Variants in MACF1 observed in about 807,000 individuals in gnomAD.
MACF1 encodes the protein microtubule-actin cross-linking factor 1.
In MACF1, 193 loss-of-function variants were observed where a neutral mutation model predicts 854.8. The ratio of observed to expected loss-of-function variants is 0.23; its 90% CI spans 0.20 to 0.25. MACF1 has a LOEUF of 0.25. MACF1 is among the 10% of genes least tolerant of loss of function. MACF1 has a pLI of 1.00. For missense variants in MACF1, 7,722 were observed against 8,929.1 expected, an observed-to-expected ratio of 0.86 and a Z score of 5.45; for synonymous variants, 3,185 against 3,226.7, an observed-to-expected ratio of 0.99 and a Z score of 0.44.
chr1:39,187,307 C>CT (rs1193958294), intron 2 of MACF1, among the ~76,000 whole-genome samples: 3 of 152,162 alleles, frequency 2.0e-5, no homozygotes, highest in Non-Finnish European at 4.4e-5. Context: ...TCATGGGACT[C>CT]TAAGACTTCT....
intron 2 of MACF1, among the ~76,000 whole-genome samples, chr1:39,160,729 A>G (rs1247904324): frequency 1.3e-5 from 2 of 152,200 alleles, no homozygotes; most frequent in Non-Finnish European, 2.9e-5. Context: ...GTCTTAGACA[A>G]CTATTCCCCC....
intron 43 of MACF1, 126 bp from the exon 44 acceptor site, chr1:39,352,881 G>A: frequency 1.8e-6 from 1 of 558,490 alleles, no homozygotes; most frequent in Admixed American, 3.0e-5. Context: ...TATGTGCAAA[G>A]ACTGTTTATA....
At chr1:39,239,235 C>A (rs930096141) in intron 2 of MACF1, among the ~76,000 whole-genome samples, 1 of 152,112 alleles carries the variant, frequency 6.6e-6, no homozygotes, top group Non-Finnish European at 1.5e-5. Flanking sequence ...GAGCTGAGAT[C>A]GTGCCACCGC....
rs144130485 is a variant in MACF1, at chr1:39,366,418, C to T, written c.12772-1730C>T. Among the ~76,000 whole-genome samples, 631 of 152,120 alleles carry T rather than the reference C, an allele frequency of 4.1e-3. 2 individuals are homozygous for T. The highest frequency in any genetic ancestry group is 0.015 in the African/African-American group (603 of 41,486). ...GCATGATCATAGCTCACTGCATCCTCAAACTCCTGGGCTCAAGTGATTCCC... is the reference window on the plus strand; with the variant it reads ...GCATGATCATAGCTCACTGCATCCTTAAACTCCTGGGCTCAAGTGATTCCC... On this transcript the variant is annotated intron_variant, in intron 49 of 100. Coordinates refer to ENST00000564288, the MANE Select transcript of MACF1 (RefSeq NM_001394062.1).
intron 26 of MACF1, among the ~76,000 whole-genome samples, chr1:39,311,444 C>T (rs995952433): frequency 6.6e-5 from 10 of 152,140 alleles, no homozygotes; most frequent in African/African-American, 2.4e-4. Context: ...AGTGAGCTCT[C>T]ATCCCTAGTT....
chr1:39,469,395 T>C (rs1490049464), intron 96 of MACF1, among the ~76,000 whole-genome samples, 152 bp from the exon 97 acceptor site: 1 of 152,206 alleles, frequency 6.6e-6, no homozygotes, highest in Non-Finnish European at 1.5e-5. Context: ...TGCTAAATCC[T>C]CTTCAGCTAT....
intron 6 of MACF1, chr1:39,268,958 T>G: frequency 7.8e-7 from 1 of 1,286,428 alleles, no homozygotes; most frequent in Non-Finnish European, 1.0e-6. Context: ...CCCCAGATAT[T>G]TTGCTGCCTG....
rs1557583579 is a variant in MACF1 at position 39,316,515 on chromosome 1, T to C, written c.3574T>C (p.Trp1192Arg). The change falls in exon 28 of 101, where the codon TGG becomes CGG. Residue 1192 changes from tryptophan (W) to arginine (R), a missense_variant. Physicochemically the swap from Trp to Arg is moderately radical, Grantham distance 101 (BLOSUM62 -3). Transcript: ENST00000564288. ...AGATCTCTCAGCTCTGGAGGCCCAT[T>C]GGTCGACATTACGGGTGAGTTGCTC... is the stretch of plus-strand genomic sequence containing the variant. ...LADLSALEAH[W>R]STLRHWLSDV... The C allele has an allele frequency of 6.2e-7, 1 of 1,613,446 alleles. No homozygotes were observed. The highest frequency in any genetic ancestry group is 8.5e-7 in the Non-Finnish European group (1 of 1,179,564).
chr1:39,157,860 C>T (rs1643723042), intron 2 of MACF1, among the ~76,000 whole-genome samples: 1 of 152,168 alleles, frequency 6.6e-6, no homozygotes, highest in Non-Finnish European at 1.5e-5. Flanking sequence ...GAACGTACCA[C>T]CACACCCAGC....
At chr1:39,185,689 C>T (rs888801724) in intron 2 of MACF1, among the ~76,000 whole-genome samples, 2 of 152,086 alleles carry the variant, frequency 1.3e-5, no homozygotes, top group African/African-American at 4.8e-5. Flanking sequence ...TTACTAGGTA[C>T]ACTGTAGGAT....
intron 24 of MACF1, 94 bp downstream of exon 24, chr1:39,309,790 A>G: frequency 7.2e-7 from 1 of 1,381,108 alleles, no homozygotes; most frequent in Non-Finnish European, 1.0e-6. Context: ...TTCCCCACCC[A>G]AATGGAGTAA....
At chr1:39,481,200 T>G (rs1345723284) in intron 99 of MACF1, among the ~76,000 whole-genome samples, 170 bp downstream of exon 99, 1 of 152,224 alleles carries the variant, frequency 6.6e-6, no homozygotes, top group African/African-American at 2.4e-5. Flanking sequence ...TAACTCGGAT[T>G]CACCAAAATT....
At position 39,457,074 on chromosome 1, in the gene MACF1, A is replaced by G. The variant is rs566012680; in HGVS notation, c.21076-1296A>G. On this transcript the variant is annotated intron_variant, in intron 89 of 100. Coordinates refer to ENST00000564288, the MANE Select transcript of MACF1 (RefSeq NM_001394062.1). ...TCTTGATGCTCTCCTCACTCTGCTA[A>G]GATTTATCTGGTCTAACAGCTTTAG... 2.0e-5 allele frequency: 3 copies of G among 152,306 alleles called. No homozygotes were observed. In the South Asian group the frequency reaches 6.2e-4, roughly 32 times the overall value. 9.4% of individuals were successfully genotyped at this position (152,306 alleles called of 1,614,324 possible). A position where few individuals can be genotyped will look rare whatever the true frequency, so the allele number is the denominator to read the frequency against.
chr1:39,098,225 A>C (rs1265967196), intron 2 of MACF1, among the ~76,000 whole-genome samples: 1 of 152,244 alleles, frequency 6.6e-6, no homozygotes, highest in African/African-American at 2.4e-5. Flanking sequence ...TACTATTGTT[A>C]GGTTCTGAAT....
At chr1:39,378,904 C>T (rs1217795881) in intron 53 of MACF1, among the ~76,000 whole-genome samples, 1 of 152,182 alleles carries the variant, frequency 6.6e-6, no homozygotes, top group Admixed American at 6.5e-5. Context: ...TGCTCCAAGT[C>T]CCTTAATCCC....
Position 39,331,200 on chromosome 1 carries a change from T to TC in MACF1, c.4615-3_4615-2insC. The TC allele has an allele frequency of 8.9e-7, 1 of 1,122,972 alleles. No individual in the cohort carries two copies. Among genetic ancestry groups the TC allele is most frequent in the African/African-American group, 2.0e-5 (1 of 50,622 alleles). 69.6% of individuals were successfully genotyped at this position (1,122,972 alleles called of 1,614,324 possible). A position where few individuals can be genotyped will look rare whatever the true frequency, so the allele number is the denominator to read the frequency against. On this transcript the variant is annotated splice_polypyrimidine_tract_variant and splice_region_variant and intron_variant, in intron 36 of 100. Transcript: ENST00000564288. ...TTTTTTTTTTTTTTTTTTTTTTTTT[T>TC]AGGAATGCAGAGCAGTTGCTGGGGT...
At chr1:39,383,270 T>G (rs1203598380) in intron 56 of MACF1, among the ~76,000 whole-genome samples, 2 of 152,220 alleles carry the variant, frequency 1.3e-5, no homozygotes, top group South Asian at 2.1e-4. Flanking sequence ...GAGTACTTTT[T>G]GAAGGAACTG....
chr1:39,205,196 A>G (rs1302069069), intron 1 of MACF1, 65 bp downstream of exon 1: 2 of 699,234 alleles, frequency 2.9e-6, no homozygotes, highest in Non-Finnish European at 5.2e-6. Flanking sequence ...GGGGTGAATG[A>G]TGGAGGTCTT....
rs560213150 is a variant in MACF1 at position 39,283,799 on chromosome 1, G to T, written c.916-267G>T. 4.1e-4 allele frequency among the ~76,000 whole-genome samples: 63 copies of T among 152,228 alleles called. No homozygotes were observed. The highest frequency in any genetic ancestry group is 1.2e-3 in the South Asian group (6 of 4,824). On this transcript the variant is annotated intron_variant, in intron 9 of 100. Coordinates refer to ENST00000564288, the MANE Select transcript of MACF1 (RefSeq NM_001394062.1). This position sits in a 1 kb window ranked among gnomAD's most constrained non-coding sequence, Gnocchi z 4.5. Reference sequence around the variant, plus strand: ...AGGAAGTGTTTTATCAGTCACTTATGTATCAGCTTGATTAGGTAGATCATG... The same window carrying T: ...AGGAAGTGTTTTATCAGTCACTTATTTATCAGCTTGATTAGGTAGATCATG...
Sources: allele counts gnomAD v4.1 joint callset (sites outside exome capture counted in the v4.1 genomes callset), GRCh38; gene constraint gnomAD v4.1.1; non-coding constraint Gnocchi (gnomAD v3.1); transcripts MANE v1.5; gene names NCBI Gene and HGNC (gene_info 2026-07-23, HGNC 2026-07-21).